KARS1: variants seen among roughly 807,000 people sequenced by gnomAD.
KARS1 encodes the protein lysyl-tRNA synthetase 1.
KARS1 carries 50 observed loss-of-function variants against 63.9 expected under a neutral mutation model. That is an observed-to-expected ratio of 0.78 (90% CI 0.62 to 0.99). The LOEUF is 0.99. Among genes scored for constraint, KARS1 ranks in the 50% least tolerant of loss-of-function variants. KARS1 has a pLI of 0.00. For missense variants in KARS1, 816 were observed against 754.5 expected (o/e 1.08, Z -0.95); for synonymous variants, 320 against 264.6 (o/e 1.21, Z -2.03).
rs1597162404 is a variant in KARS1, at chr16:75,629,316, C to T, written c.1551+99G>A. 9 of 1,482,284 alleles carry T rather than the reference C, an allele frequency of 6.1e-6. No homozygotes were observed. In the East Asian group the frequency reaches 1.8e-4, roughly 30 times the overall value. 91.8% of individuals were successfully genotyped at this position (1,482,284 alleles called of 1,614,324 possible). On this transcript the variant is annotated intron_variant, in intron 12 of 13. Transcript: ENST00000302445. ...AAGCCTATGGCTTTATCTTTCACTT[C>T]TGAAGTCACCAAGAACGTATACGCT...
chr16:75,637,978 A>G (rs2082181832), intron 3 of KARS1, among the ~76,000 whole-genome samples: 1 of 151,894 alleles, frequency 6.6e-6, no homozygotes, highest in African/African-American at 2.4e-5. Flanking sequence ...AACAAGCTGC[A>G]GTATTTCTGA....
intron 6 of KARS1, 64 bp downstream of exon 6, chr16:75,635,615 CA>C: frequency 6.3e-7 from 1 of 1,582,956 alleles, no homozygotes; most frequent in Non-Finnish European, 8.7e-7. Flanking sequence ...AAAAGGAAGG[CA>C]AGGGAGAGGA....
intron 1 of KARS1, chr16:75,644,428 T>C (rs761830701): frequency 6.2e-7 from 1 of 1,610,364 alleles, no homozygotes; most frequent in Non-Finnish European, 8.5e-7. Context: ...TGCGTCAACA[T>C]GGCAGAGCAC....
chr16:75,629,348 G>A, intron 12 of KARS1, 67 bp downstream of exon 12: 5 of 1,597,008 alleles, frequency 3.1e-6, no homozygotes, highest in Non-Finnish European at 4.3e-6. Context: ...CGCTGACACA[G>A]ATCAGGGTTA....
rs750512040 is a variant in KARS1, at chr16:75,647,655, G to C, written c.-16C>G. 1 of 1,613,254 alleles carries C rather than the reference G, an allele frequency of 6.2e-7. No homozygotes were observed. The highest frequency in any genetic ancestry group is 1.7e-5 in the Admixed American group (1 of 60,006). On this transcript the variant is annotated 5_prime_UTR_variant, in exon 1 of 14. Transcript: ENST00000302445. ...CGGCCGCCATCTTCCCGGAGGGCCC[G>C]ACCCAAAAGTAAGGAGGATAGTACG... is the stretch of plus-strand genomic sequence containing the variant.
chr16:75,632,920 G>A (rs1306150076), intron 7 of KARS1, among the ~76,000 whole-genome samples: 4 of 152,194 alleles, frequency 2.6e-5, no homozygotes, highest in Non-Finnish European at 4.4e-5. Flanking sequence ...TTACCGTACA[G>A]CATTAGGTCA....
chr16:75,636,402 G>A, intron 4 of KARS1, 52 bp downstream of exon 4: 1 of 1,108,982 alleles, frequency 9.0e-7, no homozygotes, highest in Non-Finnish European at 1.4e-6. Context: ...GCCTATTGCT[G>A]TGTTGCTCTA....
intron 3 of KARS1, 24 bp from the exon 4 acceptor site, chr16:75,636,571 C>A (rs758638213): frequency 7.2e-7 from 1 of 1,393,828 alleles, no homozygotes; most frequent in Non-Finnish European, 1.0e-6. Context: ...AGCAAAAATA[C>A]TGACTGACAG....
At chr16:75,631,617 G>A (rs1298483260) in intron 8 of KARS1, 28 bp from the exon 9 acceptor site, 1 of 1,614,006 alleles carries the variant, frequency 6.2e-7, no homozygotes. Context: ...TATTTAGCGG[G>A]AATGAAATCC....
At chr16:75,641,925 G>C (rs1016718744) in intron 1 of KARS1, among the ~76,000 whole-genome samples, 1 of 152,106 alleles carries the variant, frequency 6.6e-6, no homozygotes, top group Non-Finnish European at 1.5e-5. Context: ...GGAAAAATAA[G>C]CTTAGAACAA....
intron 11 of KARS1, 131 bp downstream of exon 11, chr16:75,630,292 C>A: frequency 3.0e-6 from 2 of 675,126 alleles, no homozygotes; most frequent in Non-Finnish European, 2.7e-6. Flanking sequence ...TGAAAAAAAG[C>A]CACTTGGGTT....
In KARS1 at chr16:75,636,542, T is replaced by A; in HGVS notation, c.394A>T (p.Ile132Phe). Reference protein sequence around the residue: ...TDITLKVAGRIHAKRASGGKL... With the variant: ...TDITLKVAGRFHAKRASGGKL... The stretch of plus-strand genomic sequence containing the variant: ...CCCCCAGAAGCTCTTTTGGCATGGA[T>A]CCTACCTAGAAAAAGAAGAGCAAAA... Residue 132 changes from isoleucine (I) to phenylalanine (F), a missense_variant, in exon 4 of 14, where the codon ATC becomes TTC. By Grantham distance (21) the Ile-to-Phe change is conservative. Transcript: ENST00000302445. 1 of 1,601,786 alleles carries A rather than the reference T, an allele frequency of 6.2e-7. No homozygotes were observed. The highest frequency in any genetic ancestry group is 8.6e-7 in the Non-Finnish European group (1 of 1,169,202).
intron 1 of KARS1, chr16:75,644,185 A>G (rs2082255236): frequency 4.6e-6 from 5 of 1,090,242 alleles, no homozygotes; most frequent in Non-Finnish European, 5.4e-6. Context: ...TTCCTTAGCA[A>G]CAAGTCCAAA....
rs147065429 is a variant in KARS1, at chr16:75,638,053, G to A, written c.389-1506C>T. Among the ~76,000 whole-genome samples the A allele has an allele frequency of 3.9e-3, 590 of 152,124 alleles. 4 individuals are homozygous for A. Among genetic ancestry groups the A allele is most frequent in the African/African-American group, 0.013 (552 of 41,528 alleles). ...AAACCGTGCTTCCTTTGAACATTCA[G>A]GAAAACTGATTTCATGTAAATGTAA... is the stretch of plus-strand genomic sequence containing the variant. On this transcript the variant is annotated intron_variant, in intron 3 of 13. Coordinates refer to ENST00000302445, the MANE Select transcript of KARS1 (RefSeq NM_005548.3).
At chr16:75,631,664 C>G (rs751139805) in intron 8 of KARS1, 29 bp downstream of exon 8, 1 of 1,613,888 alleles carries the variant, frequency 6.2e-7, no homozygotes, top group Non-Finnish European at 8.5e-7. Flanking sequence ...ACCAACCACC[C>G]GATGAGTATG....
Position 75,640,293 on chromosome 16 carries a change from G to A in KARS1, c.279C>T (p.Asp93=). The stretch of plus-strand genomic sequence containing the variant: ...CTACATGGAACTTGTGTGGGTATGG[G>A]TCTTCCCCATTGACCTTCAGCTGAT... ...AIHQLKVNGE[D]PYPHKFHVDI... Residue 93 remains aspartate (D), a synonymous_variant, in exon 3 of 14, where the codon GAC becomes GAT. Coordinates refer to ENST00000302445, the MANE Select transcript of KARS1 (RefSeq NM_005548.3). 1 of 1,613,102 alleles carries A rather than the reference G, an allele frequency of 6.2e-7. No homozygotes were observed.
chr16:75,644,170 C>G lies in KARS1; in HGVS notation c.63-2447G>C, dbSNP rs895181194. ...ACTATTGGTTTTGGTATTAGGGCTC[C>G]TTGTTTCCTTAGCAACAAGTCCAAA... On this transcript the variant is annotated intron_variant, in intron 1 of 13. Coordinates refer to ENST00000302445, the MANE Select transcript of KARS1 (RefSeq NM_005548.3). The G allele has an allele frequency of 5.4e-6, 5 of 925,054 alleles. No individual in the cohort carries two copies. In the African/African-American group the frequency reaches 8.3e-5, roughly 15 times the overall value. 57.3% of individuals were successfully genotyped at this position (925,054 alleles called of 1,614,324 possible).
At position 75,627,973 on chromosome 16, in the gene KARS1, G is replaced by A. The variant is rs781580580; in HGVS notation, c.1716C>T (p.Ala572=). The change falls in exon 14 of 14, where the codon GCC becomes GCT. Residue 572 remains alanine, a synonymous_variant. Coordinates refer to ENST00000302445, the MANE Select transcript of KARS1 (RefSeq NM_005548.3). ...NNIKEVLLFP[A]MKPEDKKENV... ...TCTCCTTCTTGTCTTCGGGTTTCAT[G>A]GCAGGAAACAGAAGTACTTCCTGTG... 8 of 1,606,942 alleles carry A rather than the reference G, an allele frequency of 5.0e-6. No homozygotes were observed. Among genetic ancestry groups the A allele is most frequent in the Middle Eastern group, 1.6e-4 (1 of 6,068 alleles).
intron 6 of KARS1, 196 bp downstream of exon 6, chr16:75,635,484 T>A: frequency 1.5e-6 from 1 of 660,896 alleles, no homozygotes. Context: ...CTATACCTTG[T>A]CCATTATCTT....
Sources: allele counts gnomAD v4.1 joint callset (sites outside exome capture counted in the v4.1 genomes callset), GRCh38; gene constraint gnomAD v4.1.1; transcripts MANE v1.5; gene names NCBI Gene and HGNC (gene_info 2026-07-23, HGNC 2026-07-21).